The following PTPRN2 variants were observed in gnomAD, a reference collection of about 807,000 sequenced individuals.
The protein encoded by PTPRN2 is receptor-type tyrosine-protein phosphatase N2.
Under a neutral mutation model 118.8 loss-of-function variants are expected in PTPRN2, and 74 were observed. The observed-to-expected ratio is 0.62, with a 90% confidence interval of 0.52 to 0.76. PTPRN2 has a LOEUF of 0.76. Ranked by LOEUF, PTPRN2 falls within the 30% of genes least tolerant of loss-of-function variation. The pLI, the probability that PTPRN2 is intolerant of heterozygous loss-of-function variation, is 0.00. For missense variants in PTPRN2, 1,481 were observed against 1,394.4 expected (o/e 1.06, Z -0.99); for synonymous variants, 641 against 608.0 (o/e 1.05, Z -0.80).
intron 2 of PTPRN2, among the ~76,000 whole-genome samples, chr7:158,371,601 G>C (rs980213099): frequency 1.3e-5 from 2 of 152,076 alleles, no homozygotes; most frequent in Non-Finnish European, 2.9e-5. Flanking sequence ...GCTTGAGAGA[G>C]GAACTTTATG....
chr7:157,784,639 G>T lies in PTPRN2; in HGVS notation c.1789-101702C>A, dbSNP rs894940661. ...GCTGATCCCATATGAAACGGGCAGG[G>T]GCTGGGCTGATCCCGTATGAAACGG... On this transcript the variant is annotated intron_variant, in intron 12 of 22. Coordinates refer to ENST00000389418, the MANE Select transcript of PTPRN2 (RefSeq NM_002847.5). This position sits in a 1 kb window ranked among gnomAD's most constrained non-coding sequence, Gnocchi z 4.6. Among the ~76,000 whole-genome samples the T allele has an allele frequency of 8.3e-6, 1 of 120,452 alleles. No homozygotes were observed. The highest frequency in any genetic ancestry group is 1.9e-5 in the Non-Finnish European group (1 of 52,720). The allele number at this position is 120,452 out of a possible 152,430, so 79.0% of individuals were successfully genotyped here. A position where few individuals can be genotyped will look rare whatever the true frequency, so the allele number is the denominator to read the frequency against.
At chr7:158,257,199 GC>G (rs1306001522) in intron 3 of PTPRN2, among the ~76,000 whole-genome samples, 2 of 152,228 alleles carry the variant, frequency 1.3e-5, no homozygotes, top group Non-Finnish European at 2.9e-5. Context: ...CCCTGGACCA[GC>G]GTGTGGAGAG....
chr7:158,336,341 G>A (rs62480958), intron 2 of PTPRN2, among the ~76,000 whole-genome samples: 48,118 of 68,730 alleles, frequency 0.7, 14,761 homozygotes, highest in Admixed American at 0.74. Context: ...ACCTGCAGAC[G>A]TCACTCACAC....
chr7:157,889,264 G>C (rs1796659688), intron 12 of PTPRN2, among the ~76,000 whole-genome samples: 1 of 147,300 alleles, frequency 6.8e-6, no homozygotes, highest in Non-Finnish European at 1.5e-5. Flanking sequence ...ATCATCACCA[G>C]GCTTCCTTCC....
At chr7:158,079,769 G>T (rs2128929395) in intron 11 of PTPRN2, among the ~76,000 whole-genome samples, 2 of 152,352 alleles carry the variant, frequency 1.3e-5, no homozygotes, top group Middle Eastern at 3.4e-3. Context: ...TGAAGCCGTT[G>T]TTGGGACCCC....
chr7:157,852,401 T>G (rs115432779), intron 12 of PTPRN2, among the ~76,000 whole-genome samples: 4,529 of 152,300 alleles, frequency 0.03, 86 homozygotes, highest in South Asian at 0.11. Flanking sequence ...AGAATGGAGA[T>G]CTGCATGTTT....
chr7:158,085,769 T>C (rs1315871066), intron 10 of PTPRN2, among the ~76,000 whole-genome samples: 12 of 91,006 alleles, frequency 1.3e-4, no homozygotes, highest in Admixed American at 3.6e-4. Context: ...TCCACACCCA[T>C]GACGCCCATC....
chr7:158,361,469 A>T (rs13234780), intron 2 of PTPRN2, among the ~76,000 whole-genome samples: 141,030 of 152,290 alleles, frequency 0.93, 65,343 homozygotes, highest in Non-Finnish European at 0.94. Context: ...GGACGCTGTG[A>T]AAACCTCTTT....
intron 14 of PTPRN2, among the ~76,000 whole-genome samples, chr7:157,640,050 C>A (rs1215098533): frequency 6.6e-6 from 1 of 152,200 alleles, no homozygotes; most frequent in Non-Finnish European, 1.5e-5. Flanking sequence ...AGCTTATAAT[C>A]TGGAATTATA....
At chr7:157,655,080 G>A (rs1051766648) in intron 14 of PTPRN2, among the ~76,000 whole-genome samples, 1 of 152,264 alleles carries the variant, frequency 6.6e-6, no homozygotes, top group African/African-American at 2.4e-5. Flanking sequence ...TCCACGAGCT[G>A]TCTGCTCCCG....
In PTPRN2 at chr7:157,615,659, C is replaced by T. The variant is rs763865165; in HGVS notation, c.2344+5703G>A. ...GAATGTGTTTTTATCAATGACTTGACGACGTGAAAAACATGTTTATAAAAC... is the reference window on the plus strand; with the variant it reads ...GAATGTGTTTTTATCAATGACTTGATGACGTGAAAAACATGTTTATAAAAC... On this transcript the variant is annotated intron_variant, in intron 15 of 22. Transcript: ENST00000389418. This position sits in a 1 kb window ranked among gnomAD's most constrained non-coding sequence, Gnocchi z 4.3. 14 of 461,760 alleles carry T rather than the reference C, an allele frequency of 3.0e-5. No individual in the cohort carries two copies. The highest frequency in any genetic ancestry group is 5.0e-5 in the Non-Finnish European group (11 of 219,552). The allele number at this position is 461,760 out of a possible 1,614,324, so 28.6% of individuals were successfully genotyped here.
chr7:157,878,242 C>T (rs1049222148), intron 12 of PTPRN2, among the ~76,000 whole-genome samples: 8 of 152,372 alleles, frequency 5.3e-5, no homozygotes, highest in South Asian at 4.1e-4. Flanking sequence ...CTCAAGAGCA[C>T]GGACCCTGAG....
At chr7:158,058,544 C>G (rs34439324) in intron 11 of PTPRN2, among the ~76,000 whole-genome samples, 1 of 82,578 alleles carries the variant, frequency 1.2e-5, no homozygotes, top group African/African-American at 6.0e-5. Context: ...CATCTGCACA[C>G]GGTGAGACAT....
chr7:158,451,230 C>T (rs1405235605), intron 2 of PTPRN2, among the ~76,000 whole-genome samples: 1 of 152,196 alleles, frequency 6.6e-6, no homozygotes, highest in Non-Finnish European at 1.5e-5. Flanking sequence ...CTGTTTTGAA[C>T]GTGAGATCTT....
At chr7:158,060,178 T>A (rs1283605487) in intron 11 of PTPRN2, among the ~76,000 whole-genome samples, 1 of 92,038 alleles carries the variant, frequency 1.1e-5, no homozygotes, top group African/African-American at 5.4e-5. Context: ...TGGTGACACA[T>A]CACTGCAGCC....
chr7:157,886,386 G>A (rs1259954174), intron 12 of PTPRN2, among the ~76,000 whole-genome samples: 2 of 152,184 alleles, frequency 1.3e-5, no homozygotes, highest in Admixed American at 1.3e-4. Flanking sequence ...GAAGCATGTC[G>A]AGAAGCAGGG....
At chr7:158,192,999 T>C (rs557349529) in intron 4 of PTPRN2, among the ~76,000 whole-genome samples, 4 of 152,292 alleles carry the variant, frequency 2.6e-5, no homozygotes, top group South Asian at 4.1e-4. Context: ...TTTTAGGCCT[T>C]AGGTTGATGT....
At chr7:158,446,753 G>A (rs1318604041) in intron 2 of PTPRN2, among the ~76,000 whole-genome samples, 1 of 152,156 alleles carries the variant, frequency 6.6e-6, no homozygotes, top group African/African-American at 2.4e-5. Flanking sequence ...CCTGTCTGGG[G>A]AGAAGCCCAG....
intron 16 of PTPRN2, among the ~76,000 whole-genome samples, chr7:157,599,016 T>A (rs1199938770): frequency 6.6e-6 from 1 of 151,476 alleles, no homozygotes; most frequent in African/African-American, 2.4e-5. Flanking sequence ...GTTTTTACTT[T>A]TTTTTTTTTT....
Sources: gnomAD v4.1 joint callset for allele counts (sites outside exome capture counted in the v4.1 genomes callset) on GRCh38, gnomAD v4.1.1 for gene constraint, Gnocchi (gnomAD v3.1) non-coding constraint, MANE v1.5 for transcripts, NCBI Gene and HGNC (gene_info 2026-07-23, HGNC 2026-07-21) for gene names.